The following NDST4 variants were observed in gnomAD, a reference collection of about 807,000 sequenced individuals.
NDST4 encodes the protein N-heparan sulfate sulfotransferase 4.
NDST4 carries 63 observed loss-of-function variants against 100.8 expected under a neutral mutation model. The ratio of observed to expected loss-of-function variants is 0.62; its 90% CI spans 0.51 to 0.77. NDST4 has a LOEUF of 0.77. NDST4 is among the 30% of genes least tolerant of loss of function. The pLI, the probability that NDST4 is intolerant of heterozygous loss-of-function variation, is 0.00. For missense variants in NDST4, 943 were observed against 1,018.4 expected (o/e 0.93, Z 1.01); for synonymous variants, 377 against 361.8 (o/e 1.04, Z -0.48).
chr4:115,011,027 A>T lies in NDST4; in HGVS notation c.979-33753T>A, dbSNP rs1034603058. 2.0e-5 allele frequency among the ~76,000 whole-genome samples: 3 copies of T among 152,152 alleles called. No homozygotes were observed. In the East Asian group the frequency reaches 5.8e-4, roughly 29 times the overall value. ...ATCTTTTCACATTGATAATAATTTA[A>T]TTTTCATATGTAATATAATTGTAAT... On this transcript the variant is annotated intron_variant, in intron 2 of 13. Coordinates refer to ENST00000264363, the MANE Select transcript of NDST4 (RefSeq NM_022569.3).
chr4:114,899,880 C>A (rs772170298), intron 6 of NDST4, among the ~76,000 whole-genome samples: 2 of 152,122 alleles, frequency 1.3e-5, no homozygotes, highest in Non-Finnish European at 2.9e-5. Flanking sequence ...CCCTCTGCTT[C>A]TATCTTCTAA....
chr4:115,027,754 A>AT (rs138644473), intron 2 of NDST4, among the ~76,000 whole-genome samples: 2,175 of 152,218 alleles, frequency 0.014, 50 homozygotes, highest in African/African-American at 0.047. Context: ...TTTGGTAAGC[A>AT]TGTTATAAGA....
intron 6 of NDST4, 101 bp from the exon 7 acceptor site, chr4:114,871,051 CAAG>C (rs1560788139): frequency 1.4e-6 from 1 of 703,682 alleles, no homozygotes; most frequent in East Asian, 3.1e-5. Flanking sequence ...TGGAATTTCA[CAAG>C]AAGTACAATG....
At chr4:115,070,040 C>A (rs767336491) in intron 2 of NDST4, among the ~76,000 whole-genome samples, 6 of 152,228 alleles carry the variant, frequency 3.9e-5, no homozygotes, top group South Asian at 2.1e-4. Context: ...AAAAACAGAA[C>A]TACCATTCGA....
At chr4:114,851,640 T>C (rs1723678110) in intron 8 of NDST4, among the ~76,000 whole-genome samples, 1 of 152,246 alleles carries the variant, frequency 6.6e-6, no homozygotes. Context: ...AGGAGTGTTT[T>C]ATTTCTTTAG....
intron 1 of NDST4, among the ~76,000 whole-genome samples, chr4:115,112,659 G>A (rs1318096889): frequency 6.6e-6 from 1 of 151,648 alleles, no homozygotes; most frequent in Admixed American, 6.6e-5. Context: ...GAAAAATAAG[G>A]TTTAATTTTC....
At chr4:115,067,770 T>C (rs936876893) in intron 2 of NDST4, among the ~76,000 whole-genome samples, 2 of 152,082 alleles carry the variant, frequency 1.3e-5, no homozygotes, top group Non-Finnish European at 1.5e-5. Context: ...ATACTTTAAG[T>C]TCTAGGGTAC....
intron 1 of NDST4, among the ~76,000 whole-genome samples, chr4:115,105,177 T>C (rs1033274140): frequency 6.6e-6 from 1 of 152,184 alleles, no homozygotes; most frequent in African/African-American, 2.4e-5. Flanking sequence ...TTTGTTTACA[T>C]GAAGGCTTCT....
chr4:115,072,674 TA>T (rs1729101616), intron 2 of NDST4, among the ~76,000 whole-genome samples: 1 of 151,904 alleles, frequency 6.6e-6, no homozygotes, highest in African/African-American at 2.4e-5. Flanking sequence ...TCACACTATA[TA>T]AAAAAACAAC....
chr4:114,988,350 A>ATATTTTT (rs1560846225), intron 2 of NDST4, among the ~76,000 whole-genome samples: 1 of 76,700 alleles, frequency 1.3e-5, no homozygotes, highest in African/African-American at 5.6e-5. Flanking sequence ...AGATACACAT[A>ATATTTTT]TCTTTTTTTT....
rs991019823 is a variant in NDST4 at position 114,988,352 on chromosome 4, C to CTTTTTTTTT, written c.979-11087_979-11079dup. Among the ~76,000 whole-genome samples the CTTTTTTTTT allele has an allele frequency of 2.6e-3, 167 of 64,204 alleles. 38 individuals carry two copies. Among genetic ancestry groups the CTTTTTTTTT allele is most frequent in the Non-Finnish European group, 3.3e-3 (117 of 35,086 alleles). 42.1% of individuals were successfully genotyped at this position (64,204 alleles called of 152,430 possible). A position where few individuals can be genotyped will look rare whatever the true frequency, so the allele number is the denominator to read the frequency against. ...TTTGTAAGCACACAGATACACATAT[C>CTTTTTTTTT]TTTTTTTTTTTTTTTTTTTTTTTTT... On this transcript the variant is annotated intron_variant, in intron 2 of 13. Transcript: ENST00000264363.
chr4:114,919,441 A>G (rs1725243469), intron 6 of NDST4, among the ~76,000 whole-genome samples: 1 of 152,232 alleles, frequency 6.6e-6, no homozygotes, highest in Non-Finnish European at 1.5e-5. Flanking sequence ...GAAAGGCAGA[A>G]GAAATCAGGT....
At chr4:114,940,008 T>G (rs1725714701) in intron 4 of NDST4, among the ~76,000 whole-genome samples, 1 of 152,110 alleles carries the variant, frequency 6.6e-6, no homozygotes, top group African/African-American at 2.4e-5. Context: ...CTTGGCCAAC[T>G]AGAAAATCAA....
At chr4:115,047,206 A>G (rs1420465812) in intron 2 of NDST4, among the ~76,000 whole-genome samples, 3 of 152,146 alleles carry the variant, frequency 2.0e-5, no homozygotes, top group Non-Finnish European at 4.4e-5. Flanking sequence ...AAAATATTTA[A>G]TATTTTTAAA....
chr4:114,978,226 T>G (rs1355511895), intron 2 of NDST4, among the ~76,000 whole-genome samples: 1 of 152,032 alleles, frequency 6.6e-6, no homozygotes, highest in Non-Finnish European at 1.5e-5. Flanking sequence ...AGACTGATTT[T>G]TGATTACTCC....
intron 10 of NDST4, among the ~76,000 whole-genome samples, chr4:114,843,098 T>C (rs1353160923): frequency 1.3e-5 from 2 of 152,202 alleles, no homozygotes; most frequent in East Asian, 1.9e-4. Context: ...CAAATTATCA[T>C]ATGATGATTT....
At chr4:114,843,093 TATC>T (rs940175867) in intron 10 of NDST4, among the ~76,000 whole-genome samples, 5 of 152,236 alleles carry the variant, frequency 3.3e-5, no homozygotes, top group Non-Finnish European at 5.9e-5. Flanking sequence ...CTCATCAAAT[TATC>T]ATATGATGAT....
chr4:114,976,519 G>A (rs1726637033), intron 3 of NDST4, among the ~76,000 whole-genome samples: 1 of 151,972 alleles, frequency 6.6e-6, no homozygotes, highest in Admixed American at 6.6e-5. Flanking sequence ...AAGAAGTAAG[G>A]AATATCAGAA....
chr4:114,929,037 T>TCCGTCC (rs1725440680), intron 6 of NDST4, among the ~76,000 whole-genome samples: 1 of 131,500 alleles, frequency 7.6e-6, no homozygotes, highest in Non-Finnish European at 1.7e-5. Context: ...TCTGTCTGTC[T>TCCGTCC]GTCTGTCCGT....
Sources: allele counts gnomAD v4.1 joint callset (sites outside exome capture counted in the v4.1 genomes callset), GRCh38; gene constraint gnomAD v4.1.1; transcripts MANE v1.5; gene names NCBI Gene and HGNC (gene_info 2026-07-23, HGNC 2026-07-21).